Variants in HKDC1 observed in about 807,000 individuals in gnomAD.
HKDC1 encodes the protein hexokinase domain containing 1.
Under a neutral mutation model 96.6 loss-of-function variants are expected in HKDC1, and 66 were observed. The observed-to-expected ratio is 0.68, with a 90% CI of 0.56 to 0.84. HKDC1 has a LOEUF of 0.84. HKDC1 is among the 40% of genes least tolerant of loss of function. The pLI is 0.00. For synonymous variants in HKDC1, 466 were observed against 473.1 expected (o/e 0.98, Z 0.20); for missense variants, 1,211 against 1,208.1 (o/e 1.00, Z -0.04).
Position 69,266,840 on chromosome 10 carries a change from C to A in HKDC1, c.*83C>A. The stretch of plus-strand genomic sequence containing the variant: ...GATCAGTTGGTCAGAGACCAATGGG[C>A]ACCCTCCTGGCTGACCTCACCTTCT... On this transcript the variant is annotated 3_prime_UTR_variant, in exon 18 of 18. Transcript: ENST00000354624. 7.0e-6 allele frequency: 10 copies of A among 1,418,504 alleles called. No individual in the cohort carries two copies. The highest frequency in any genetic ancestry group is 9.6e-6 in the Non-Finnish European group (10 of 1,044,384). The allele number at this position is 1,418,504 out of a possible 1,614,324, so 87.9% of individuals were successfully genotyped here. A position where few individuals can be genotyped will look rare whatever the true frequency, so the allele number is the denominator to read the frequency against.
intron 4 of HKDC1, among the ~76,000 whole-genome samples, chr10:69,237,287 G>C (rs956806573): frequency 0.011 from 1,134 of 104,830 alleles, 11 homozygotes; most frequent in African/African-American, 0.039. Flanking sequence ...TTGTGTGTGT[G>C]TGTGTGTGTG....
At chr10:69,235,978 G>A (rs1297638434) in intron 4 of HKDC1, among the ~76,000 whole-genome samples, 1 of 152,106 alleles carries the variant, frequency 6.6e-6, no homozygotes, top group Admixed American at 6.6e-5. Flanking sequence ...GCAGCTCAGC[G>A]AGGTTAAGAG....
intron 1 of HKDC1, chr10:69,225,782 C>T (rs1040447694): frequency 6.6e-6 from 1 of 152,238 alleles, no homozygotes; most frequent in Non-Finnish European, 1.5e-5. Context: ...TACAGTCCCA[C>T]GTAGCCACAG....
At chr10:69,251,035 T>G (rs1251742791) in intron 12 of HKDC1, among the ~76,000 whole-genome samples, 1 of 152,012 alleles carries the variant, frequency 6.6e-6, no homozygotes, top group Non-Finnish European at 1.5e-5. Flanking sequence ...TACAATGGGT[T>G]TTTATCGTCT....
chr10:69,266,553 A>T, intron 17 of HKDC1, 57 bp from the exon 18 acceptor site: 1 of 1,565,688 alleles, frequency 6.4e-7, no homozygotes, highest in Non-Finnish European at 8.7e-7. Flanking sequence ...ATGATCATTT[A>T]TAAATGTTCT....
chr10:69,227,163 G>C (rs1316386637), intron 1 of HKDC1, 44 bp from the exon 2 acceptor site: 1 of 1,608,672 alleles, frequency 6.2e-7, no homozygotes, highest in Non-Finnish European at 8.5e-7. Context: ...ACTGGAGGGT[G>C]AGGGCCCCCA....
At chr10:69,231,113 T>C (rs1843253109) in intron 2 of HKDC1, among the ~76,000 whole-genome samples, 1 of 152,152 alleles carries the variant, frequency 6.6e-6, no homozygotes, top group Non-Finnish European at 1.5e-5. Context: ...GTGATTGCGA[T>C]GCGGGCCGGG....
intron 15 of HKDC1, among the ~76,000 whole-genome samples, chr10:69,259,772 C>T (rs114303929): frequency 0.02 from 3,059 of 152,152 alleles, 95 homozygotes; most frequent in African/African-American, 0.07. Context: ...AAGGGGGAGG[C>T]GTTACACACT....
At position 69,237,289 on chromosome 10, in the gene HKDC1, G is replaced by C. The variant is rs988292429; in HGVS notation, c.496-1753G>C. Among the ~76,000 whole-genome samples, 420 of 109,456 alleles carry C rather than the reference G, an allele frequency of 3.8e-3. 6 individuals are homozygous for C. The highest frequency in any genetic ancestry group is 0.015 in the African/African-American group (383 of 26,112). 71.8% of individuals were successfully genotyped at this position (109,456 alleles called of 152,430 possible). ...AAGAGAAATTTCTTTGTGTGTGTGT[G>C]TGTGTGTGTGTGTGTGTGTGTGTGT... is the stretch of plus-strand genomic sequence containing the variant. On this transcript the variant is annotated intron_variant, in intron 4 of 17. Coordinates refer to ENST00000354624, the MANE Select transcript of HKDC1 (RefSeq NM_025130.4).
chr10:69,231,209 A>C (rs1843255343), intron 2 of HKDC1, among the ~76,000 whole-genome samples: 1 of 152,104 alleles, frequency 6.6e-6, no homozygotes, highest in Non-Finnish European at 1.5e-5. Flanking sequence ...TTCTTTTGTT[A>C]AACCCTCAGT....
intron 8 of HKDC1, among the ~76,000 whole-genome samples, chr10:69,246,780 C>T (rs1843548614): frequency 6.6e-6 from 1 of 152,200 alleles, no homozygotes; most frequent in Admixed American, 6.5e-5. Context: ...GGCGGCTGGC[C>T]CCGGTGTGAC....
intron 15 of HKDC1, 34 bp downstream of exon 15, chr10:69,258,993 T>C: frequency 6.7e-7 from 1 of 1,481,912 alleles, no homozygotes; most frequent in Non-Finnish European, 9.0e-7. Flanking sequence ...TTATGTGGGT[T>C]GTGTAGTGAA....
chr10:69,232,643 C>A, intron 2 of HKDC1, 121 bp from the exon 3 acceptor site: 1 of 917,246 alleles, frequency 1.1e-6, no homozygotes, highest in Non-Finnish European at 1.7e-6. Context: ...GGCAAATGAG[C>A]ATAATGATAC....
chr10:69,242,181 G>T (rs2132351592), intron 6 of HKDC1, among the ~76,000 whole-genome samples: 1 of 152,170 alleles, frequency 6.6e-6, no homozygotes, highest in Admixed American at 6.5e-5. Flanking sequence ...TAAACCTGAG[G>T]GGCTCCCTCC....
chr10:69,250,737 C>T, intron 12 of HKDC1, 85 bp downstream of exon 12: 3 of 1,493,934 alleles, frequency 2.0e-6, no homozygotes, highest in Non-Finnish European at 2.7e-6. Context: ...CCCAGCCTGC[C>T]TTCATTTTTA....
chr10:69,258,105 G>A (rs952275256), intron 14 of HKDC1, among the ~76,000 whole-genome samples: 4 of 152,186 alleles, frequency 2.6e-5, no homozygotes, highest in South Asian at 2.1e-4. Flanking sequence ...AGGAGATGGG[G>A]ATGTACTGAG....
rs148384064 is a variant in HKDC1, at chr10:69,256,404, C to T, written c.1837-632C>T. 7.6e-3 allele frequency among the ~76,000 whole-genome samples: 1,152 copies of T among 152,262 alleles called. 10 individuals carry two copies. The highest frequency in any genetic ancestry group is 0.011 in the Non-Finnish European group (715 of 68,002). On this transcript the variant is annotated intron_variant, in intron 12 of 17. Coordinates refer to ENST00000354624, the MANE Select transcript of HKDC1 (RefSeq NM_025130.4). ...TGATCACATTGTAATCTGTCCTTGACTAAGTTAGAAGTAGGATCATGGCCA... is the reference window on the plus strand; with the variant it reads ...TGATCACATTGTAATCTGTCCTTGATTAAGTTAGAAGTAGGATCATGGCCA...
At chr10:69,262,007 G>C in intron 16 of HKDC1, 1 of 380,090 alleles carries the variant, frequency 2.6e-6, no homozygotes, top group South Asian at 2.0e-5. Context: ...TTCTGGACAA[G>C]AATATTTTCT....
intron 4 of HKDC1, among the ~76,000 whole-genome samples, chr10:69,238,368 C>CTTTTTTTTTTTTTTTTTTTTTTTTT (rs55819248): frequency 8.1e-5 from 5 of 61,378 alleles, no homozygotes; most frequent in African/African-American, 1.7e-4. Context: ...CAGGTATTTT[C>CTTTTTTTTTTTTTTTTTTTTTTTTT]TTTTTTTTTT....
Sources: allele counts gnomAD v4.1 joint callset (sites outside exome capture counted in the v4.1 genomes callset), GRCh38; gene constraint gnomAD v4.1.1; transcripts MANE v1.5; gene names NCBI Gene and HGNC (gene_info 2026-07-23, HGNC 2026-07-21).